The following CSMD1 variants were observed in gnomAD, a reference collection of about 807,000 sequenced individuals.
CSMD1 encodes CUB and Sushi multiple domains 1.
A neutral mutation model predicts 417.5 loss-of-function variants in CSMD1; 213 were observed. That is an observed-to-expected ratio of 0.51 (90% CI 0.46 to 0.57). The LOEUF (loss-of-function observed/expected upper bound fraction) is 0.57, where lower values mean the gene tolerates loss of function less well. CSMD1 is among the 20% of genes least tolerant of loss of function. CSMD1 has a pLI of 0.00. For missense variants in CSMD1, 6,923 were observed against 4,529.7 expected (o/e 1.53, Z -15.17); for synonymous variants, 2,862 against 1,736.8 (o/e 1.65, Z -16.11).
At chr8:3,749,964 A>G (rs945388859) in intron 6 of CSMD1, among the ~76,000 whole-genome samples, 1 of 152,168 alleles carries the variant, frequency 6.6e-6, no homozygotes, top group Non-Finnish European at 1.5e-5. Flanking sequence ...GTTCAGCTTG[A>G]TGGTAAAACA....
chr8:3,991,809 C>T (rs985870779), intron 5 of CSMD1, among the ~76,000 whole-genome samples: 2 of 152,136 alleles, frequency 1.3e-5, no homozygotes, highest in Non-Finnish European at 2.9e-5. Flanking sequence ...CTTCAAGTCT[C>T]CACACTGCCT....
At chr8:2,980,033 A>G (rs76469501) in intron 54 of CSMD1, among the ~76,000 whole-genome samples, 4,285 of 152,318 alleles carry the variant, frequency 0.028, 211 homozygotes, top group African/African-American at 0.097. Context: ...CCATTCTTAC[A>G]TCAAGCATAA....
intron 3 of CSMD1, among the ~76,000 whole-genome samples, chr8:4,166,190 A>G (rs146544691): frequency 1.1e-3 from 175 of 152,344 alleles, no homozygotes; most frequent in Middle Eastern, 6.8e-3. Context: ...AAGCAAATGC[A>G]AAATAGTCAG....
At chr8:3,106,759 C>G (rs370016400) in intron 45 of CSMD1, 118 bp from the exon 46 acceptor site, 1 of 546,410 alleles carries the variant, frequency 1.8e-6, no homozygotes. Context: ...TTTTTAGAAA[C>G]TATGTCTGTA....
intron 1 of CSMD1, among the ~76,000 whole-genome samples, chr8:4,719,852 T>C (rs756893937): frequency 2.6e-5 from 4 of 152,148 alleles, no homozygotes; most frequent in Admixed American, 2.0e-4. Context: ...TAAAGTAGTA[T>C]AAAATATGGG....
chr8:3,487,397 T>C (rs1312172729), intron 11 of CSMD1, among the ~76,000 whole-genome samples: 1 of 152,034 alleles, frequency 6.6e-6, no homozygotes, highest in East Asian at 1.9e-4. Flanking sequence ...GAGACAGGGT[T>C]TCACCATGTT....
chr8:3,887,163 G>A (rs956239213), intron 5 of CSMD1, among the ~76,000 whole-genome samples: 11 of 152,088 alleles, frequency 7.2e-5, no homozygotes, highest in African/African-American at 2.7e-4. Flanking sequence ...TGCGTAGAGG[G>A]TATTCCAGCT....
chr8:3,523,725 G>A (rs1483183979), intron 10 of CSMD1, among the ~76,000 whole-genome samples: 1 of 144,858 alleles, frequency 6.9e-6, no homozygotes, highest in Non-Finnish European at 1.5e-5. Flanking sequence ...ACATATGCAT[G>A]CACACTCAGA....
intron 1 of CSMD1, among the ~76,000 whole-genome samples, chr8:4,816,505 G>C (rs746469361): frequency 6.6e-6 from 1 of 152,056 alleles, no homozygotes; most frequent in Non-Finnish European, 1.5e-5. Flanking sequence ...TGGGATTACA[G>C]GTGTGAGCCA....
At chr8:4,244,387 A>C (rs1391339749) in intron 3 of CSMD1, among the ~76,000 whole-genome samples, 1 of 152,178 alleles carries the variant, frequency 6.6e-6, no homozygotes, top group Non-Finnish European at 1.5e-5. Flanking sequence ...GGATGTTTTT[A>C]TGTTAATAGA....
At chr8:4,074,980 G>C (rs1416245184) in intron 3 of CSMD1, among the ~76,000 whole-genome samples, 1 of 151,890 alleles carries the variant, frequency 6.6e-6, no homozygotes, top group Non-Finnish European at 1.5e-5. Flanking sequence ...TTCCCTAATG[G>C]GATATGAACT....
intron 3 of CSMD1, among the ~76,000 whole-genome samples, chr8:4,348,115 C>T (rs1800878735): frequency 6.6e-6 from 1 of 152,110 alleles, no homozygotes; most frequent in African/African-American, 2.4e-5. Context: ...GGCTAACTAC[C>T]AGTTAGAAGT....
intron 3 of CSMD1, among the ~76,000 whole-genome samples, chr8:4,054,392 G>C (rs893683785): frequency 6.6e-6 from 1 of 152,112 alleles, no homozygotes; most frequent in Non-Finnish European, 1.5e-5. Context: ...GGCCGCCCGA[G>C]CCATCTACCC....
At chr8:4,108,798 A>T (rs1219073608) in intron 3 of CSMD1, among the ~76,000 whole-genome samples, 1 of 151,966 alleles carries the variant, frequency 6.6e-6, no homozygotes, top group Non-Finnish European at 1.5e-5. Context: ...CTAAAGCACA[A>T]GCTCCTAAGT....
intron 5 of CSMD1, among the ~76,000 whole-genome samples, chr8:3,838,675 TTATATAGTATAATATATAATAAATATTA>T (rs1802873312): frequency 1.0e-5 from 1 of 95,664 alleles, no homozygotes; most frequent in African/African-American, 5.5e-5. Flanking sequence ...TAAATTAATA[TTATATAGTATAATATATAATAAATATTA>T]TATAGTATAA....
chr8:4,592,718 G>T (rs1205273698), intron 2 of CSMD1, among the ~76,000 whole-genome samples: 1 of 152,146 alleles, frequency 6.6e-6, no homozygotes, highest in East Asian at 1.9e-4. Flanking sequence ...CATTTATAAA[G>T]CTCAATCCAA....
At chr8:3,896,280 G>C (rs1472348663) in intron 5 of CSMD1, among the ~76,000 whole-genome samples, 1 of 152,142 alleles carries the variant, frequency 6.6e-6, no homozygotes. Flanking sequence ...ATCTGTCTAT[G>C]AGTGACATCG....
chr8:4,361,731 G>A (rs558350372), intron 3 of CSMD1, among the ~76,000 whole-genome samples: 19 of 151,726 alleles, frequency 1.3e-4, no homozygotes, highest in African/African-American at 4.6e-4. Context: ...CGAAGTGGGC[G>A]GATCACGAGG....
chr8:3,070,388 T>C (rs1813252814), intron 49 of CSMD1, among the ~76,000 whole-genome samples: 1 of 152,222 alleles, frequency 6.6e-6, no homozygotes, highest in Non-Finnish European at 1.5e-5. Flanking sequence ...AATGTAAATT[T>C]CAACTTTAAG....
Sources: allele counts gnomAD v4.1 joint callset (sites outside exome capture counted in the v4.1 genomes callset), GRCh38; gene constraint gnomAD v4.1.1; transcripts MANE v1.5; gene names NCBI Gene and HGNC (gene_info 2026-07-23, HGNC 2026-07-21).